TLN2: variants seen among roughly 807,000 people sequenced by gnomAD.
TLN2 encodes talin 2.
In TLN2, 118 loss-of-function variants were observed where a neutral mutation model predicts 294.7. That is an observed-to-expected ratio of 0.40 (90% CI 0.34 to 0.47). The LOEUF (loss-of-function observed/expected upper bound fraction) is 0.47, where lower values mean the gene tolerates loss of function less well. Among genes scored for constraint, TLN2 ranks in the 20% least tolerant of loss-of-function variants. TLN2 has a pLI of 0.84. For missense variants in TLN2, 3,083 were observed against 3,282.2 expected (o/e 0.94, Z 1.48); for synonymous variants, 1,431 against 1,304.5 (o/e 1.10, Z -2.09).
At chr15:62,416,066 A>G (rs2034062990) in intron 1 of TLN2, among the ~76,000 whole-genome samples, 1 of 152,200 alleles carries the variant, frequency 6.6e-6, no homozygotes, top group African/African-American at 2.4e-5. Flanking sequence ...TGGGAGGCCA[A>G]AGTGGGAAGA....
intron 12 of TLN2, among the ~76,000 whole-genome samples, chr15:62,692,202 C>A (rs765449939): frequency 1.3e-5 from 2 of 152,214 alleles, no homozygotes; most frequent in Non-Finnish European, 2.9e-5. Flanking sequence ...CTTCCCTGGG[C>A]TACCTGCTAT....
intron 3 of TLN2, chr15:62,638,124 G>A: frequency 6.1e-6 from 1 of 164,160 alleles, no homozygotes; most frequent in Non-Finnish European, 1.3e-5. Flanking sequence ...ATAAAGCTGT[G>A]AGAACATAGG....
At chr15:62,812,897 CCACACATTCAGAGA>C (rs1463773866) in intron 52 of TLN2, among the ~76,000 whole-genome samples, 171 of 152,344 alleles carry the variant, frequency 1.1e-3, no homozygotes, top group African/African-American at 3.9e-3. Context: ...CTTTCCCAGG[CCACACATTCAGAGA>C]CTCCTGCTTA....
In TLN2 at chr15:62,510,444, A is replaced by G. The variant is rs75719297; in HGVS notation, c.-237-79243A>G. 1.6e-3 allele frequency among the ~76,000 whole-genome samples: 250 copies of G among 152,354 alleles called. 4 individuals carry two copies. In the East Asian group the frequency reaches 0.025, roughly 15 times the overall value. On this transcript the variant is annotated intron_variant, in intron 1 of 58. Coordinates refer to ENST00000636159, the MANE Select transcript of TLN2 (RefSeq NM_015059.3). ...TTATGCAGTAGTTGAGATAATTTAG[A>G]TGATGAGATGGCATAGAAATAGGTA... is the stretch of plus-strand genomic sequence containing the variant.
At chr15:62,503,203 CTG>C (rs1567037101) in intron 1 of TLN2, among the ~76,000 whole-genome samples, 1 of 151,750 alleles carries the variant, frequency 6.6e-6, no homozygotes. Flanking sequence ...GGTAGATAAT[CTG>C]TAAATATAGA....
chr15:62,815,569 C>T (rs756327833), intron 52 of TLN2, among the ~76,000 whole-genome samples: 8 of 152,148 alleles, frequency 5.3e-5, no homozygotes, highest in Non-Finnish European at 7.4e-5. Context: ...CATGGAGAAT[C>T]GGGGATCCTC....
rs1414420594 is a variant in TLN2, at chr15:62,755,737, G to T, written c.4638+44G>T. ...GGCCTTATTGAACTCTGTAACTCCTGTTCTGGCGGGGGAAGGGGAACAAGA... is the reference window on the plus strand; with the variant it reads ...GGCCTTATTGAACTCTGTAACTCCTTTTCTGGCGGGGGAAGGGGAACAAGA... On this transcript the variant is annotated intron_variant, in intron 37 of 58. Coordinates refer to ENST00000636159, the MANE Select transcript of TLN2 (RefSeq NM_015059.3). 1.9e-6 allele frequency: 3 copies of T among 1,605,986 alleles called. No individual in the cohort carries two copies. The South Asian group carries it at 3.3e-5, about 18-fold the overall frequency.
chr15:62,549,475 G>GCTGCATCCAT (rs1555427547), intron 1 of TLN2, among the ~76,000 whole-genome samples: 1 of 125,212 alleles, frequency 8.0e-6, no homozygotes, highest in Non-Finnish European at 1.7e-5. Flanking sequence ...TGCCATGCAT[G>GCTGCATCCAT]CCATGCATCC....
chr15:62,399,268 A>AAC (rs2032827372), intron 1 of TLN2, among the ~76,000 whole-genome samples: 1 of 149,572 alleles, frequency 6.7e-6, no homozygotes. Flanking sequence ...AAAAAAAAAA[A>AAC]AAAAAAAAAA....
At chr15:62,405,168 C>A (rs1429216632) in intron 1 of TLN2, among the ~76,000 whole-genome samples, 2 of 152,160 alleles carry the variant, frequency 1.3e-5, no homozygotes, top group Non-Finnish European at 2.9e-5. Context: ...TGGAACCTGT[C>A]TGTAATTCAG....
At chr15:62,786,364 C>G (rs959595134) in intron 45 of TLN2, among the ~76,000 whole-genome samples, 1 of 152,174 alleles carries the variant, frequency 6.6e-6, no homozygotes, top group Admixed American at 6.5e-5. Flanking sequence ...AAAGTCATAG[C>G]TCTGCCCTGG....
intron 1 of TLN2, among the ~76,000 whole-genome samples, chr15:62,519,028 A>G (rs1337055786): frequency 6.6e-6 from 1 of 152,202 alleles, no homozygotes; most frequent in African/African-American, 2.4e-5. Flanking sequence ...CAATTCTAAG[A>G]GGTAGCTACT....
At chr15:62,670,871 C>T (rs1186065942) in intron 9 of TLN2, among the ~76,000 whole-genome samples, 4 of 152,208 alleles carry the variant, frequency 2.6e-5, no homozygotes, top group Admixed American at 2.0e-4. Flanking sequence ...AACTTTTTTA[C>T]AGCAGCTGTA....
At chr15:62,643,360 C>G (rs1054059839) in intron 3 of TLN2, among the ~76,000 whole-genome samples, 1 of 146,932 alleles carries the variant, frequency 6.8e-6, no homozygotes, top group South Asian at 2.2e-4. Flanking sequence ...TTTAGTCTTA[C>G]ACTCGTGTGC....
At chr15:62,638,558 G>A (rs949045639) in intron 3 of TLN2, 2 of 455,910 alleles carry the variant, frequency 4.4e-6, no homozygotes, top group East Asian at 7.0e-5. Context: ...GTCTGGTTGT[G>A]CTTTTCTAGC....
chr15:62,706,197 G>A (rs1405921674), intron 19 of TLN2, among the ~76,000 whole-genome samples: 1 of 134,252 alleles, frequency 7.4e-6, no homozygotes, highest in Non-Finnish European at 1.6e-5. Flanking sequence ...CATATGTTTG[G>A]GAAGGCATTT....
intron 1 of TLN2, among the ~76,000 whole-genome samples, chr15:62,529,104 T>TG (rs1555423737): frequency 0.022 from 3,268 of 151,458 alleles, 102 homozygotes; most frequent in African/African-American, 0.073. Context: ...CTTTTTTTTT[T>TG]TGTGTGTGTG....
chr15:62,677,186 G>C (rs1008189042), intron 11 of TLN2, among the ~76,000 whole-genome samples: 5 of 152,176 alleles, frequency 3.3e-5, no homozygotes, highest in Non-Finnish European at 5.9e-5. Flanking sequence ...TATTGTGAAG[G>C]GCAACCAGTA....
At chr15:62,674,367 A>G (rs916141748) in intron 10 of TLN2, among the ~76,000 whole-genome samples, 14 of 152,224 alleles carry the variant, frequency 9.2e-5, no homozygotes, top group African/African-American at 2.9e-4. Flanking sequence ...AAGGAATCCA[A>G]GATACCAAAG....
Sources: gnomAD v4.1 joint callset for allele counts (sites outside exome capture counted in the v4.1 genomes callset) on GRCh38, gnomAD v4.1.1 for gene constraint, MANE v1.5 for transcripts, NCBI Gene and HGNC (gene_info 2026-07-23, HGNC 2026-07-21) for gene names.